Variants in NAALADL2 observed in about 807,000 individuals in gnomAD.
NAALADL2 encodes inactive N-acetylated-alpha-linked acidic dipeptidase-like protein 2.
In NAALADL2, 76 loss-of-function variants were observed where a neutral mutation model predicts 87.2. That is an observed-to-expected ratio of 0.87 (90% CI 0.72 to 1.05). NAALADL2 has a LOEUF of 1.05. NAALADL2 is among the 50% of genes least tolerant of loss of function. The pLI, the probability that NAALADL2 is intolerant of heterozygous loss-of-function variation, is 0.00. For missense variants in NAALADL2, 1,089 were observed against 945.8 expected, an observed-to-expected ratio of 1.15 and a Z score of -1.99; for synonymous variants, 354 against 331.0, an observed-to-expected ratio of 1.07 and a Z score of -0.75.
chr3:175,171,727 C>T (rs926199766), intron 2 of NAALADL2, among the ~76,000 whole-genome samples: 28 of 151,906 alleles, frequency 1.8e-4, no homozygotes, highest in African/African-American at 6.5e-4. Flanking sequence ...TACTATTTGG[C>T]TATAAAAAAT....
intron 1 of NAALADL2, among the ~76,000 whole-genome samples, chr3:175,027,774 T>A (rs1752386591): frequency 1.3e-5 from 2 of 152,274 alleles, no homozygotes; most frequent in South Asian, 4.1e-4. Flanking sequence ...CTAGAATTTT[T>A]ATATTTCTAG....
intron 9 of NAALADL2, among the ~76,000 whole-genome samples, chr3:175,476,385 A>C (rs1464186670): frequency 6.6e-6 from 1 of 152,164 alleles, no homozygotes; most frequent in East Asian, 1.9e-4. Flanking sequence ...TCAGATGTGC[A>C]TAAATAGCTA....
chr3:175,227,894 T>A (rs914727736), intron 2 of NAALADL2, among the ~76,000 whole-genome samples: 1 of 151,970 alleles, frequency 6.6e-6, no homozygotes. Flanking sequence ...TTGATAAATT[T>A]AAAATAAAAT....
chr3:175,110,489 C>T (rs774210247), intron 2 of NAALADL2, among the ~76,000 whole-genome samples: 24 of 151,726 alleles, frequency 1.6e-4, no homozygotes, highest in Non-Finnish European at 3.1e-4. Flanking sequence ...TCTGCTGTAG[C>T]CTTTTCAGTT....
intron 2 of NAALADL2, among the ~76,000 whole-genome samples, chr3:174,617,342 A>G (rs546286711): frequency 6.6e-6 from 1 of 151,934 alleles, no homozygotes; most frequent in East Asian, 1.9e-4. Flanking sequence ...ACACTAAAGA[A>G]GAAAATATAT....
At chr3:174,748,207 C>T (rs2109028515) in intron 3 of NAALADL2, among the ~76,000 whole-genome samples, 1 of 152,152 alleles carries the variant, frequency 6.6e-6, no homozygotes, top group South Asian at 2.1e-4. Flanking sequence ...CTAATACATA[C>T]AGGGCATAAT....
intron 1 of NAALADL2, among the ~76,000 whole-genome samples, chr3:174,541,476 A>T (rs1412002735): frequency 6.6e-6 from 1 of 152,248 alleles, no homozygotes; most frequent in African/African-American, 2.4e-5. Flanking sequence ...ATAGTCAAGG[A>T]ATTTGATAGC....
intron 1 of NAALADL2, among the ~76,000 whole-genome samples, chr3:175,090,195 A>ACACACC (rs1051652762): frequency 3.3e-5 from 5 of 152,110 alleles, no homozygotes; most frequent in African/African-American, 1.2e-4. Flanking sequence ...GGAATTATTT[A>ACACACC]CACACCCCTG....
intron 5 of NAALADL2, among the ~76,000 whole-genome samples, chr3:175,434,566 A>G (rs1399333053): frequency 6.6e-6 from 1 of 152,100 alleles, no homozygotes. Context: ...CTGTCTGTTC[A>G]TTTAATCAGT....
intron 1 of NAALADL2, among the ~76,000 whole-genome samples, chr3:174,902,503 C>T (rs548801063): frequency 7.2e-5 from 11 of 151,940 alleles, no homozygotes; most frequent in Non-Finnish European, 1.5e-5. Flanking sequence ...TCTAAAATAA[C>T]TCAAAAAGAC....
At chr3:175,141,719 A>G (rs1020737438) in intron 2 of NAALADL2, among the ~76,000 whole-genome samples, 1 of 152,064 alleles carries the variant, frequency 6.6e-6, no homozygotes, top group Admixed American at 6.6e-5. Context: ...TATTTATTCT[A>G]GTTTCTTTCT....
intron 1 of NAALADL2, among the ~76,000 whole-genome samples, chr3:174,920,905 G>A (rs188110649): frequency 7.3e-4 from 111 of 152,324 alleles, no homozygotes; most frequent in African/African-American, 2.6e-3. Context: ...CCTGAGGAGA[G>A]AGAGAGAAAC....
intron 11 of NAALADL2, among the ~76,000 whole-genome samples, chr3:175,649,423 A>G (rs1730445288): frequency 6.6e-6 from 1 of 151,842 alleles, no homozygotes; most frequent in African/African-American, 2.4e-5. Context: ...AAAAAAAAAA[A>G]AATTGTTGGC....
At chr3:175,087,103 A>G (rs1299187559) in intron 1 of NAALADL2, among the ~76,000 whole-genome samples, 1 of 152,248 alleles carries the variant, frequency 6.6e-6, no homozygotes, top group Non-Finnish European at 1.5e-5. Flanking sequence ...AGACATAGGT[A>G]TATTAATGGA....
chr3:175,037,721 A>G (rs576219961), intron 1 of NAALADL2, among the ~76,000 whole-genome samples: 1 of 152,208 alleles, frequency 6.6e-6, no homozygotes, highest in East Asian at 1.9e-4. Flanking sequence ...TCCTAGGTAG[A>G]TCATTTCCAG....
intron 1 of NAALADL2, among the ~76,000 whole-genome samples, chr3:175,064,521 G>GGA (rs149787351): frequency 0.25 from 38,429 of 151,950 alleles, 7,714 homozygotes; most frequent in African/African-American, 0.56. Context: ...CAGTCTGAAA[G>GGA]GAGAGTTAGG....
At chr3:175,745,466 T>C (rs1422468125) in intron 12 of NAALADL2, among the ~76,000 whole-genome samples, 1 of 152,170 alleles carries the variant, frequency 6.6e-6, no homozygotes, top group Non-Finnish European at 1.5e-5. Flanking sequence ...AAGTTCTTCA[T>C]ATAAAATTAT....
intron 3 of NAALADL2, among the ~76,000 whole-genome samples, chr3:174,828,942 T>G (rs539306727): frequency 5.9e-5 from 9 of 152,310 alleles, no homozygotes; most frequent in African/African-American, 2.2e-4. Flanking sequence ...AATTGTGTAT[T>G]ATAATATTTT....
intron 5 of NAALADL2, among the ~76,000 whole-genome samples, chr3:175,392,292 C>G (rs1769177054): frequency 6.6e-6 from 1 of 152,190 alleles, no homozygotes; most frequent in African/African-American, 2.4e-5. Context: ...AACGTTAAAG[C>G]TGTGGTCTAC....
Sources: gnomAD v4.1 joint callset for allele counts (sites outside exome capture counted in the v4.1 genomes callset) on GRCh38, gnomAD v4.1.1 for gene constraint, MANE v1.5 for transcripts, NCBI Gene and HGNC (gene_info 2026-07-23, HGNC 2026-07-21) for gene names.